Variants in ITPKB observed in about 807,000 individuals in gnomAD.
ITPKB encodes the protein inositol-trisphosphate 3-kinase B.
ITPKB carries 13 observed loss-of-function variants against 69.4 expected under a neutral mutation model. The ratio of observed to expected loss-of-function variants is 0.19; its 90% CI spans 0.12 to 0.30. The LOEUF is 0.30. Among genes scored for constraint, ITPKB ranks in the 10% least tolerant of loss-of-function variants. ITPKB has a pLI of 1.00. For synonymous variants in ITPKB, 584 were observed against 513.7 expected, an observed-to-expected ratio of 1.14 and a Z score of -1.85; for missense variants, 1,240 against 1,250.5, an observed-to-expected ratio of 0.99 and a Z score of 0.13.
At chr1:226,732,954 G>A (rs1391878933) in intron 2 of ITPKB, among the ~76,000 whole-genome samples, 1 of 152,180 alleles carries the variant, frequency 6.6e-6, no homozygotes, top group Non-Finnish European at 1.5e-5. Context: ...CCTCAGCAAG[G>A]ATGAAGAAAG....
At chr1:226,690,746 G>C (rs1028170274) in intron 2 of ITPKB, among the ~76,000 whole-genome samples, 6 of 152,198 alleles carry the variant, frequency 3.9e-5, no homozygotes, top group Admixed American at 3.9e-4. Flanking sequence ...AAGCAGGCAG[G>C]GAAATCAGGC....
chr1:226,659,076 A>C (rs2102755486), intron 2 of ITPKB, among the ~76,000 whole-genome samples: 1 of 152,284 alleles, frequency 6.6e-6, no homozygotes, highest in South Asian at 2.1e-4. Flanking sequence ...CACCATGGTC[A>C]ATCGACCCCT....
intron 2 of ITPKB, among the ~76,000 whole-genome samples, chr1:226,704,146 T>G (rs1006434484): frequency 6.6e-6 from 1 of 152,202 alleles, no homozygotes; most frequent in Non-Finnish European, 1.5e-5. Context: ...TAATTCAATC[T>G]TAAGCCGAAT....
intron 2 of ITPKB, among the ~76,000 whole-genome samples, chr1:226,700,153 C>T (rs574661275): frequency 3.9e-5 from 6 of 152,232 alleles, no homozygotes; most frequent in Admixed American, 2.6e-4. Context: ...TTGGTAACAC[C>T]GTCATAGACA....
At chr1:226,702,871 C>T (rs1431239749) in intron 2 of ITPKB, among the ~76,000 whole-genome samples, 1 of 152,206 alleles carries the variant, frequency 6.6e-6, no homozygotes, top group Non-Finnish European at 1.5e-5. Context: ...TAAGCTCCTT[C>T]CAACCTCAAG....
chr1:226,707,397 A>G (rs1656828698), intron 2 of ITPKB: 9 of 323,732 alleles, frequency 2.8e-5, no homozygotes, highest in Non-Finnish European at 3.5e-5. Context: ...GGGTTTCACC[A>G]TGTTGGCCAG....
chr1:226,639,076 A>G (rs1256102809), intron 6 of ITPKB, among the ~76,000 whole-genome samples: 1 of 79,102 alleles, frequency 1.3e-5, no homozygotes, highest in Non-Finnish European at 2.5e-5. Context: ...TTTTTTTCCC[A>G]GACAGAGTTT....
At chr1:226,643,389 T>C (rs551020182) in intron 4 of ITPKB, among the ~76,000 whole-genome samples, 1 of 152,190 alleles carries the variant, frequency 6.6e-6, no homozygotes, top group African/African-American at 2.4e-5. Context: ...CCACAGCCCT[T>C]GAGGAGGCAG....
intron 2 of ITPKB, among the ~76,000 whole-genome samples, chr1:226,679,047 C>G (rs936596337): frequency 2.0e-5 from 3 of 152,228 alleles, no homozygotes; most frequent in African/African-American, 7.2e-5. Flanking sequence ...CTGGGGTCAA[C>G]TTGTGCAGAG....
chr1:226,707,750 C>G, intron 2 of ITPKB: 1 of 1,048,972 alleles, frequency 9.5e-7, no homozygotes, highest in South Asian at 3.1e-5. Context: ...CAAACAAAAT[C>G]CAATGGTCGT....
At chr1:226,692,490 A>G (rs1656381862) in intron 2 of ITPKB, among the ~76,000 whole-genome samples, 2 of 152,240 alleles carry the variant, frequency 1.3e-5, no homozygotes, top group African/African-American at 4.8e-5. Flanking sequence ...AAACTTCTAA[A>G]GAAAGCATTC....
chr1:226,726,666 A>C (rs1657427087), intron 2 of ITPKB, among the ~76,000 whole-genome samples: 1 of 151,656 alleles, frequency 6.6e-6, no homozygotes, highest in South Asian at 2.1e-4. Flanking sequence ...ACAGAGTGAG[A>C]CTCTGTCTCA....
intron 2 of ITPKB, among the ~76,000 whole-genome samples, chr1:226,659,134 G>C (rs563779540): frequency 3.3e-5 from 5 of 152,300 alleles, no homozygotes; most frequent in African/African-American, 1.2e-4. Context: ...TGACTGCCCA[G>C]CTGTCTCCTG....
intron 2 of ITPKB, among the ~76,000 whole-genome samples, chr1:226,691,310 G>A (rs1219676686): frequency 6.6e-6 from 1 of 151,892 alleles, no homozygotes; most frequent in Non-Finnish European, 1.5e-5. Context: ...CAAACTCTGG[G>A]CACATGCATA....
intron 2 of ITPKB, among the ~76,000 whole-genome samples, chr1:226,694,155 A>G (rs747693709): frequency 1.3e-5 from 2 of 152,254 alleles, no homozygotes; most frequent in Non-Finnish European, 2.9e-5. Flanking sequence ...AAAAGTTTCA[A>G]CAAACCAATC....
chr1:226,676,069 G>A (rs1173005766), intron 2 of ITPKB: 1 of 152,184 alleles, frequency 6.6e-6, no homozygotes, highest in African/African-American at 2.4e-5. Context: ...CATCCTCAAT[G>A]GCTAATTTGC....
rs1403895843 is a variant in ITPKB at position 226,707,826 on chromosome 1, G to GT, written c.1932+27700dup. ...ATTGGCTCAGTCTTTCCAGAGAGTA[G>GT]TGTAGGAAGATGAAATATGCTATAC... is the stretch of plus-strand genomic sequence containing the variant. On this transcript the variant is annotated intron_variant, in intron 2 of 7. Coordinates refer to ENST00000429204, the MANE Select transcript of ITPKB (RefSeq NM_002221.4). The GT allele has an allele frequency of 7.5e-6, 9 of 1,197,722 alleles. No homozygotes were observed. The East Asian group carries it at 5.6e-4, about 75-fold the overall frequency. 74.2% of individuals were successfully genotyped at this position (1,197,722 alleles called of 1,614,324 possible).
chr1:226,631,912 A>G lies in ITPKB; in HGVS notation c.*2759T>C, dbSNP rs1174307221. ...TGGGTTATATACACATGGGGTGGAC[A>G]GATGCAGAGAAACTCAAAGCTAAAT... On this transcript the variant is annotated 3_prime_UTR_variant, in exon 8 of 8. Transcript: ENST00000429204. 1.3e-5 allele frequency: 2 copies of G among 152,272 alleles called. No individual in the cohort carries two copies. Among genetic ancestry groups the G allele is most frequent in the Non-Finnish European group, 2.9e-5 (2 of 68,050 alleles). The allele number at this position is 152,272 out of a possible 1,614,324, so 9.4% of individuals were successfully genotyped here.
At position 226,637,620 on chromosome 1, in the gene ITPKB, G is replaced by A. The variant is rs551192516; in HGVS notation, c.2625+59C>T. The A allele has an allele frequency of 5.4e-4, 731 of 1,355,698 alleles. 8 individuals are homozygous for A. In the South Asian group the frequency reaches 8.2e-3, roughly 15 times the overall value. 84.0% of individuals were successfully genotyped at this position (1,355,698 alleles called of 1,614,324 possible). A position where few individuals can be genotyped will look rare whatever the true frequency, so the allele number is the denominator to read the frequency against. Reference sequence around the variant, plus strand: ...TGCCCCGGGCTTCTGGAAGGAGAAGGAGAAGGCCTGTTGGCACGCGCAGCA... The same window carrying A: ...TGCCCCGGGCTTCTGGAAGGAGAAGAAGAAGGCCTGTTGGCACGCGCAGCA... On this transcript the variant is annotated intron_variant, in intron 7 of 7. Transcript: ENST00000429204. This position sits in a 1 kb window ranked among gnomAD's most constrained non-coding sequence, Gnocchi z 4.3.
Sources: gnomAD v4.1 joint callset for allele counts (sites outside exome capture counted in the v4.1 genomes callset) on GRCh38, gnomAD v4.1.1 for gene constraint, Gnocchi (gnomAD v3.1) non-coding constraint, MANE v1.5 for transcripts, NCBI Gene and HGNC (gene_info 2026-07-23, HGNC 2026-07-21) for gene names.